Variants in AGO2 observed in about 807,000 individuals in gnomAD.
AGO2 encodes the protein argonaute RISC catalytic component 2.
Under a neutral mutation model 102.3 loss-of-function variants are expected in AGO2, and 5 were observed. The ratio of observed to expected loss-of-function variants is 0.05; its 90% CI spans 0.03 to 0.10. AGO2 has a LOEUF of 0.10. Among genes scored for constraint, AGO2 ranks in the 10% least tolerant of loss-of-function variants. The pLI is 1.00. For synonymous variants in AGO2, 449 were observed against 473.1 expected (o/e 0.95, Z 0.66); for missense variants, 541 against 1,183.7 (o/e 0.46, Z 7.97).
chr8:140,528,877 C>T lies in AGO2; in HGVS notation c.*3167G>A, dbSNP rs1417102381. 2 of 152,158 alleles carry T rather than the reference C, an allele frequency of 1.3e-5. No individual in the cohort carries two copies. The highest frequency in any genetic ancestry group is 1.3e-4 in the Admixed American group (2 of 15,278). 9.4% of individuals were successfully genotyped at this position (152,158 alleles called of 1,614,324 possible). A position where few individuals can be genotyped will look rare whatever the true frequency, so the allele number is the denominator to read the frequency against. On this transcript the variant is annotated 3_prime_UTR_variant, in exon 19 of 19. Coordinates refer to ENST00000220592, the MANE Select transcript of AGO2 (RefSeq NM_012154.5). The surrounding 1 kb of genome is among the most constrained non-coding windows in gnomAD (Gnocchi z 4.5). ...AGCTTTCCACCGCTCCCCTGGTGTT[C>T]GTTAATTGCGTCGTCATTACAGCAA... is the stretch of plus-strand genomic sequence containing the variant.
rs2072424376 is a variant in AGO2, at chr8:140,522,060, G to C, written c.*9984C>G. 6.6e-6 allele frequency: 1 copy of C among 151,894 alleles called. No homozygotes were observed. Among genetic ancestry groups the C allele is most frequent in the Non-Finnish European group, 1.5e-5 (1 of 68,000 alleles). 9.4% of individuals were successfully genotyped at this position (151,894 alleles called of 1,614,324 possible). On this transcript the variant is annotated 3_prime_UTR_variant, in exon 19 of 19. Coordinates refer to ENST00000220592, the MANE Select transcript of AGO2 (RefSeq NM_012154.5). Reference sequence around the variant, plus strand: ...GGATTATAATACACTGTAGCAGTTGGCTGGGGAAAAGTCTATCAAATTCCA... The same window carrying C: ...GGATTATAATACACTGTAGCAGTTGCCTGGGGAAAAGTCTATCAAATTCCA...
intron 6 of AGO2, among the ~76,000 whole-genome samples, chr8:140,559,095 C>T (rs564208000): frequency 9.6e-4 from 146 of 152,296 alleles, no homozygotes; most frequent in African/African-American, 3.2e-3. Flanking sequence ...TAGGTTCCAG[C>T]GTTAGGAAAT....
chr8:140,534,365 G>A (rs1482452729), intron 17 of AGO2, among the ~76,000 whole-genome samples: 1 of 152,260 alleles, frequency 6.6e-6, no homozygotes, highest in Non-Finnish European at 1.5e-5. Flanking sequence ...TCCCCGACTA[G>A]AAGGGAAGAC....
At chr8:140,619,443 C>G (rs1359296638) in intron 1 of AGO2, among the ~76,000 whole-genome samples, 1 of 152,174 alleles carries the variant, frequency 6.6e-6, no homozygotes, top group Non-Finnish European at 1.5e-5. Context: ...CCCAGAGGCA[C>G]GGCTCAGACC....
intron 1 of AGO2, among the ~76,000 whole-genome samples, chr8:140,620,181 T>C (rs775819029): frequency 2.9e-4 from 44 of 152,156 alleles, no homozygotes; most frequent in Non-Finnish European, 6.0e-4. Context: ...ACCGGCCATG[T>C]GGGAGCCTGG....
Position 140,530,188 on chromosome 8 carries a change from C to G in AGO2, c.*1856G>C, listed in dbSNP as rs1378659877. The G allele has an allele frequency of 6.6e-6, 1 of 151,832 alleles. No homozygotes were observed. The highest frequency in any genetic ancestry group is 2.1e-4 in the South Asian group (1 of 4,828). 9.4% of individuals were successfully genotyped at this position (151,832 alleles called of 1,614,324 possible). Reference sequence around the variant, plus strand: ...CACACACACCACTCTGAGTACACATCTTCACAAATAATAGTCATCCCTTTG... The same window carrying G: ...CACACACACCACTCTGAGTACACATGTTCACAAATAATAGTCATCCCTTTG... On this transcript the variant is annotated 3_prime_UTR_variant, in exon 19 of 19. Coordinates refer to ENST00000220592, the MANE Select transcript of AGO2 (RefSeq NM_012154.5).
chr8:140,620,011 A>G (rs1456648945), intron 1 of AGO2, among the ~76,000 whole-genome samples: 1 of 152,222 alleles, frequency 6.6e-6, no homozygotes, highest in Admixed American at 6.5e-5. Flanking sequence ...ACAGAAGCTC[A>G]GGGATGAAAC....
chr8:140,535,431 G>A lies in AGO2; in HGVS notation c.2271+37C>T, dbSNP rs749806061. On this transcript the variant is annotated intron_variant, in intron 17 of 18. Transcript: ENST00000220592. ...TGAATGTGGGGATGACACGGCAGAC[G>A]GCCAAGACTCTGTCCGAAGGGGACT... The A allele has an allele frequency of 6.2e-6, 10 of 1,600,730 alleles. No individual in the cohort carries two copies. In the East Asian group the frequency reaches 6.7e-5, roughly 11 times the overall value.
intron 1 of AGO2, among the ~76,000 whole-genome samples, chr8:140,586,893 G>A (rs2133016937): frequency 6.6e-6 from 1 of 152,294 alleles, no homozygotes; most frequent in East Asian, 1.9e-4. Flanking sequence ...TCTCGGGGAG[G>A]AGAGTCACTG....
intron 3 of AGO2, among the ~76,000 whole-genome samples, chr8:140,564,651 A>T (rs988063836): frequency 8.5e-5 from 13 of 152,198 alleles, no homozygotes; most frequent in African/African-American, 3.1e-4. Context: ...TGTAAGAATA[A>T]ACTATATAGG....
At position 140,535,460 on chromosome 8, in the gene AGO2, G is replaced by A. The variant is rs191906520; in HGVS notation, c.2271+8C>T. 2.3e-5 allele frequency: 37 copies of A among 1,613,972 alleles called. 1 individual carries two copies. Among genetic ancestry groups the A allele is most frequent in the East Asian group, 2.2e-4 (10 of 44,866 alleles). On this transcript the variant is annotated splice_region_variant and intron_variant, in intron 17 of 18. Transcript: ENST00000220592. The stretch of plus-strand genomic sequence containing the variant: ...AAGACTCTGTCCGAAGGGGACTCCC[G>A]GCCTTACCTGGATGCCAGCGTGACT...
Position 140,611,049 on chromosome 8 carries a change from T to C in AGO2, c.22+24436A>G, listed in dbSNP as rs189174246. On this transcript the variant is annotated intron_variant, in intron 1 of 18. Transcript: ENST00000220592. ...AACAGAACAGGAGTTAGGAGTCTTC[T>C]GACTTAGCGGTTCTCTAAGTGTGGT... Among the ~76,000 whole-genome samples the C allele has an allele frequency of 1.2e-3, 190 of 152,366 alleles. 1 individual carries two copies. Among genetic ancestry groups the C allele is most frequent in the African/African-American group, 4.4e-3 (185 of 41,598 alleles).
At chr8:140,637,201 TTAAA>T (rs1029086945), upstream of AGO2, 12 of 152,256 alleles carry the variant, frequency 7.9e-5, no homozygotes, top group African/African-American at 2.7e-4. Flanking sequence ...ACGGAAATTT[TTAAA>T]TAATCATGAA....
chr8:140,620,030 G>A (rs1051375188), intron 1 of AGO2, among the ~76,000 whole-genome samples: 8 of 152,290 alleles, frequency 5.3e-5, no homozygotes, highest in Non-Finnish European at 1.2e-4. Flanking sequence ...ACGGGCTGGT[G>A]CAGGAAAAAT....
At chr8:140,612,402 G>C (rs1161897730) in intron 1 of AGO2, among the ~76,000 whole-genome samples, 1 of 152,182 alleles carries the variant, frequency 6.6e-6, no homozygotes, top group African/African-American at 2.4e-5. Flanking sequence ...AAACACATGG[G>C]AGACAGGATC....
intron 3 of AGO2, among the ~76,000 whole-genome samples, chr8:140,568,621 C>A (rs890673135): frequency 8.5e-5 from 13 of 152,190 alleles, no homozygotes; most frequent in African/African-American, 1.2e-4. Context: ...CCGTGCAGTT[C>A]ATGTCTTGTT....
the AGO2 span, among the ~76,000 whole-genome samples, chr8:140,640,674 C>T: frequency 6.6e-6 from 1 of 152,164 alleles, no homozygotes; most frequent in Non-Finnish European, 1.5e-5. Context: ...CATGCGCCAC[C>T]ATGCCCAGCT....
intron 12 of AGO2, among the ~76,000 whole-genome samples, chr8:140,548,695 T>C (rs898591554): frequency 2.0e-5 from 3 of 152,264 alleles, no homozygotes; most frequent in African/African-American, 4.8e-5. Context: ...CCCCCTGGCA[T>C]GGACTTTGGC....
chr8:140,520,893 C>T lies in AGO2; in HGVS notation c.*11151G>A, dbSNP rs2072406786. On this transcript the variant is annotated 3_prime_UTR_variant, in exon 19 of 19. Transcript: ENST00000220592. Reference sequence around the variant, plus strand: ...AAGTATTATTCTAATATAGGGCAACCTTCGAGCCAGATATTGCAGCAATTT... The same window carrying T: ...AAGTATTATTCTAATATAGGGCAACTTTCGAGCCAGATATTGCAGCAATTT... 1 of 152,058 alleles carries T rather than the reference C, an allele frequency of 6.6e-6. No homozygotes were observed. The highest frequency in any genetic ancestry group is 1.5e-5 in the Non-Finnish European group (1 of 68,020). 9.4% of individuals were successfully genotyped at this position (152,058 alleles called of 1,614,324 possible). A position where few individuals can be genotyped will look rare whatever the true frequency, so the allele number is the denominator to read the frequency against.
Sources: allele counts gnomAD v4.1 joint callset (sites outside exome capture counted in the v4.1 genomes callset), GRCh38; gene constraint gnomAD v4.1.1; non-coding constraint Gnocchi (gnomAD v3.1); transcripts MANE v1.5; gene names NCBI Gene and HGNC (gene_info 2026-07-23, HGNC 2026-07-21).